Variants in LRCH2 observed in about 807,000 individuals in gnomAD.
The protein encoded by LRCH2 is leucine rich repeats and calponin homology domain containing 2, also known as leucine-rich repeat and calponin homology domain-containing protein 2.
LRCH2 carries 38 observed loss-of-function variants against 68.9 expected under a neutral mutation model. That is an observed-to-expected ratio of 0.55 (90% CI 0.43 to 0.72). The LOEUF (loss-of-function observed/expected upper bound fraction) is 0.72. Among genes scored for constraint, LRCH2 ranks in the 30% least tolerant of loss-of-function variants. LRCH2 has a pLI of 0.00. For missense variants in LRCH2, 528 were observed against 572.9 expected (o/e 0.92, Z 0.80); for synonymous variants, 191 against 208.1 (o/e 0.92, Z 0.71).
chrX:115,168,548 T>C (rs190700144), intron 6 of LRCH2, among the ~76,000 whole-genome samples: 150 of 112,249 alleles, frequency 1.3e-3, no homozygotes, highest in Non-Finnish European at 2.2e-3. Flanking sequence ...GTATTTCTTT[T>C]TACTTTTTTC....
In LRCH2 at chrX:115,111,248, C is replaced by A. The variant is rs2147334795; in HGVS notation, c.*1968G>T. On this transcript the variant is annotated 3_prime_UTR_variant, in exon 21 of 21. Transcript: ENST00000317135. The stretch of plus-strand genomic sequence containing the variant: ...CTACAGTGAGGTTCTGCTGTATTTT[C>A]TTTTTAAAGGAATAATTAACTGAAA... The A allele has an allele frequency of 9.0e-6, 1 of 110,691 alleles. No individual in the cohort carries two copies. The highest frequency in any genetic ancestry group is 2.8e-4 in the East Asian group (1 of 3,530). 9.1% of individuals were successfully genotyped at this position (110,691 alleles called of 1,213,427 possible). A position where few individuals can be genotyped will look rare whatever the true frequency, so the allele number is the denominator to read the frequency against.
At chrX:115,117,605 C>G (rs1467580402) in intron 20 of LRCH2, among the ~76,000 whole-genome samples, 2 of 111,318 alleles carry the variant, frequency 1.8e-5, no homozygotes, top group African/African-American at 6.5e-5. Context: ...AAAATACTAT[C>G]CAGAAATGAA....
At chrX:115,139,582 C>T (rs1376811735) in intron 14 of LRCH2, among the ~76,000 whole-genome samples, 1 of 111,424 alleles carries the variant, frequency 9.0e-6, no homozygotes, top group Non-Finnish European at 1.9e-5. Context: ...GAGTTTGAGA[C>T]CAGCCTAGAC....
intron 14 of LRCH2, among the ~76,000 whole-genome samples, chrX:115,131,574 A>C (rs1556530235): frequency 1.8e-5 from 2 of 111,756 alleles, no homozygotes; most frequent in Non-Finnish European, 3.8e-5. Flanking sequence ...ATATGTGTAC[A>C]TGTGTCTTTA....
Position 115,233,781 on chromosome X carries a change from C to T in LRCH2, c.261G>A (p.Ala87=). The change falls in exon 1 of 21, where the codon GCG becomes GCA. Residue 87 remains alanine (A), a synonymous_variant. Transcript: ENST00000317135. ...TGAGGCTCAGGATGCCGGAGCTGCC[C>T]GCCTCTTCCAGGGCCCGGTCCAGGC... ...VRSLDRALEE[A]GSSGILSLSG... is the part of the protein sequence containing the mutation. 1 of 1,178,059 alleles carries T rather than the reference C, an allele frequency of 8.5e-7. No homozygotes were observed. Among genetic ancestry groups the T allele is most frequent in the Non-Finnish European group, 1.1e-6 (1 of 878,140 alleles).
intron 11 of LRCH2, among the ~76,000 whole-genome samples, chrX:115,157,664 T>C (rs1340271267): frequency 9.2e-6 from 1 of 109,251 alleles, no homozygotes; most frequent in East Asian, 2.8e-4. Flanking sequence ...TGTATAGGCA[T>C]GCATTAAAAT....
intron 1 of LRCH2, 25 bp downstream of exon 1, chrX:115,233,668 G>A: frequency 9.0e-7 from 1 of 1,113,714 alleles, no homozygotes; most frequent in South Asian, 2.2e-5. Flanking sequence ...TTCACAGCCA[G>A]CTTCCCCTCC....
chrX:115,233,100 G>A lies in LRCH2; in HGVS notation c.349+593C>T, dbSNP rs782458136. On this transcript the variant is annotated intron_variant, in intron 1 of 20. Coordinates refer to ENST00000317135, the MANE Select transcript of LRCH2 (RefSeq NM_020871.4). ...GTGATTGATGATTTAATTTACCACT[G>A]CAGCAAATACTAATTTAACCACCAC... Among the ~76,000 whole-genome samples the A allele has an allele frequency of 1.3e-4, 14 of 111,897 alleles. No homozygotes were observed. The South Asian group carries it at 4.1e-3, about 33-fold the overall frequency.
At position 115,190,205 on chromosome X, in the gene LRCH2, C is replaced by T. The variant is rs782301913; in HGVS notation, c.350-1835G>A. 102 of 1,165,175 alleles carry T rather than the reference C, an allele frequency of 8.8e-5. No individual in the cohort carries two copies. Among genetic ancestry groups the T allele is most frequent in the Admixed American group, 3.9e-4 (15 of 38,725 alleles). ...CGCGACCCTGGGGATTTTGTCCCTG[C>T]GCTCAGAGACTACAGCCGCCGCTAT... On this transcript the variant is annotated intron_variant, in intron 1 of 20. Coordinates refer to ENST00000317135, the MANE Select transcript of LRCH2 (RefSeq NM_020871.4).
intron 11 of LRCH2, among the ~76,000 whole-genome samples, chrX:115,159,583 C>G (rs1028764371): frequency 2.7e-5 from 3 of 109,749 alleles, no homozygotes; most frequent in African/African-American, 1.0e-4. Context: ...AACCCCGTCT[C>G]TACTAAAAAT....
At chrX:115,149,643 T>C (rs1441091381) in intron 14 of LRCH2, among the ~76,000 whole-genome samples, 184 bp downstream of exon 14, 4 of 111,735 alleles carry the variant, frequency 3.6e-5, no homozygotes, top group African/African-American at 9.7e-5. Context: ...TACTCAATTA[T>C]TCTCAATTAC....
intron 3 of LRCH2, among the ~76,000 whole-genome samples, chrX:115,180,347 G>C (rs1314800624): frequency 2.7e-5 from 3 of 110,452 alleles, no homozygotes; most frequent in African/African-American, 9.9e-5. Context: ...GGTTATCTAA[G>C]GTGTCTCTCA....
At chrX:115,211,262 C>A (rs1556569938) in intron 1 of LRCH2, among the ~76,000 whole-genome samples, 2 of 111,315 alleles carry the variant, frequency 1.8e-5, no homozygotes, top group African/African-American at 3.3e-5. Context: ...ATAATTGAAT[C>A]ATAGGGGCAG....
chrX:115,191,762 G>T, intron 1 of LRCH2: 1 of 1,163,679 alleles, frequency 8.6e-7, no homozygotes, highest in Non-Finnish European at 1.1e-6. Flanking sequence ...CACCGCTACG[G>T]AGGAGGAGGC....
chrX:115,200,779 T>A (rs1556565970), intron 1 of LRCH2, among the ~76,000 whole-genome samples: 1 of 109,633 alleles, frequency 9.1e-6, no homozygotes, highest in Non-Finnish European at 1.9e-5. Context: ...AAGAGGAGAG[T>A]ATTCTCCCTA....
chrX:115,156,872 T>C (rs1556539927), intron 11 of LRCH2, among the ~76,000 whole-genome samples: 3 of 111,470 alleles, frequency 2.7e-5, no homozygotes, highest in African/African-American at 6.5e-5. Flanking sequence ...GCATCTTCGT[T>C]TATAAACCCT....
intron 11 of LRCH2, among the ~76,000 whole-genome samples, chrX:115,160,892 T>A (rs887760545): frequency 2.7e-5 from 3 of 111,795 alleles, no homozygotes; most frequent in African/African-American, 9.7e-5. Context: ...TCCCTAAATC[T>A]AAAAGATCTA....
intron 2 of LRCH2, 97 bp from the exon 3 acceptor site, chrX:115,184,634 CTAAG>C: frequency 1.3e-6 from 1 of 792,076 alleles, no homozygotes; most frequent in Non-Finnish European, 1.7e-6. Context: ...TATTCTATCA[CTAAG>C]TAATAACTTA....
At chrX:115,166,232 G>A in intron 7 of LRCH2, 23 bp downstream of exon 7, 1 of 1,069,704 alleles carries the variant, frequency 9.3e-7, no homozygotes, top group Non-Finnish European at 1.3e-6. Flanking sequence ...AAACAGAATG[G>A]ATCAGCAATA....
Sources: gnomAD v4.1 joint callset for allele counts (sites outside exome capture counted in the v4.1 genomes callset) on GRCh38, gnomAD v4.1.1 for gene constraint, MANE v1.5 for transcripts, NCBI Gene and HGNC (gene_info 2026-07-23, HGNC 2026-07-21) for gene names.